GRIN2B: variants seen among roughly 807,000 people sequenced by gnomAD.
The protein encoded by GRIN2B is glutamate receptor ionotropic, NMDA 2B.
A neutral mutation model predicts 114.5 loss-of-function variants in GRIN2B; 5 were observed. That is an observed-to-expected ratio of 0.04 (90% CI 0.02 to 0.09). The LOEUF (loss-of-function observed/expected upper bound fraction) is 0.09. Among genes scored for constraint, GRIN2B ranks in the 10% least tolerant of loss-of-function variants. The pLI is 1.00. For synonymous variants in GRIN2B, 787 were observed against 745.1 expected, an observed-to-expected ratio of 1.06 and a Z score of -0.92; for missense variants, 1,108 against 1,943.5, an observed-to-expected ratio of 0.57 and a Z score of 8.08.
chr12:13,963,771 A>G (rs1867740455), intron 2 of GRIN2B, among the ~76,000 whole-genome samples: 1 of 152,116 alleles, frequency 6.6e-6, no homozygotes, highest in Non-Finnish European at 1.5e-5. Context: ...CTTTACTTCT[A>G]GATGTTGAAT....
At chr12:13,973,716 T>C (rs1431680275) in intron 2 of GRIN2B, among the ~76,000 whole-genome samples, 3 of 152,230 alleles carry the variant, frequency 2.0e-5, no homozygotes, top group East Asian at 1.9e-4. Context: ...TCTCTTTATA[T>C]GTAATGCATC....
intron 2 of GRIN2B, among the ~76,000 whole-genome samples, chr12:13,974,396 G>T (rs749231106): frequency 6.6e-6 from 1 of 152,128 alleles, no homozygotes; most frequent in Non-Finnish European, 1.5e-5. Flanking sequence ...CTTTTAAGAC[G>T]ACCCTGGCTT....
chr12:13,705,655 ACATTGAAAGT>A (rs1459694531), intron 4 of GRIN2B, among the ~76,000 whole-genome samples: 1 of 152,156 alleles, frequency 6.6e-6, no homozygotes, highest in African/African-American at 2.4e-5. Flanking sequence ...AAGCTTCCCC[ACATTGAAAGT>A]CATTGATGAG....
chr12:13,854,055 A>G (rs1312554746), intron 3 of GRIN2B, among the ~76,000 whole-genome samples: 3 of 152,208 alleles, frequency 2.0e-5, no homozygotes, highest in Non-Finnish European at 2.9e-5. Flanking sequence ...AAATAAAGGG[A>G]AAAGAAACAG....
intron 2 of GRIN2B, among the ~76,000 whole-genome samples, chr12:13,932,616 C>T (rs1285634398): frequency 6.6e-6 from 1 of 152,134 alleles, no homozygotes; most frequent in Non-Finnish European, 1.5e-5. Context: ...AAGGAGAAGT[C>T]CTGAGAGAGA....
chr12:13,695,481 G>A (rs551565268), intron 4 of GRIN2B, among the ~76,000 whole-genome samples: 12 of 152,292 alleles, frequency 7.9e-5, no homozygotes, highest in Admixed American at 6.5e-4. Context: ...GGGTCTGAAA[G>A]AGCGAGTAGT....
intron 2 of GRIN2B, among the ~76,000 whole-genome samples, chr12:13,921,881 T>C (rs190967317): frequency 1.3e-5 from 2 of 152,204 alleles, no homozygotes; most frequent in East Asian, 1.9e-4. Flanking sequence ...GATAGATGGA[T>C]AGGCAGATAA....
At chr12:13,658,920 G>A (rs868828958) in intron 5 of GRIN2B, among the ~76,000 whole-genome samples, 2 of 151,530 alleles carry the variant, frequency 1.3e-5, no homozygotes. Context: ...CTTGGGTGGT[G>A]ACTACTTCTC....
At chr12:13,576,345 T>C (rs1948776132) in intron 10 of GRIN2B, among the ~76,000 whole-genome samples, 1 of 150,194 alleles carries the variant, frequency 6.7e-6, no homozygotes, top group African/African-American at 2.5e-5. Context: ...TTAGCCTGAG[T>C]GGCAATTTGG....
In GRIN2B at chr12:13,680,436, T is replaced by TTGTGTGTGTGTGTG. The variant is rs56755720; in HGVS notation, c.1011-4591_1011-4578dup. 2.2e-3 allele frequency among the ~76,000 whole-genome samples: 266 copies of TTGTGTGTGTGTGTG among 123,542 alleles called. 1 individual carries two copies. The highest frequency in any genetic ancestry group is 0.01 in the Admixed American group (124 of 12,212). The allele number at this position is 123,542 out of a possible 152,430, so 81.0% of individuals were successfully genotyped here. A position where few individuals can be genotyped will look rare whatever the true frequency, so the allele number is the denominator to read the frequency against. On this transcript the variant is annotated intron_variant, in intron 4 of 13. Coordinates refer to ENST00000609686, the MANE Select transcript of GRIN2B (RefSeq NM_000834.5). The stretch of plus-strand genomic sequence containing the variant: ...AAATCCCCTGGAAGTCCCATCAAGG[T>TTGTGTGTGTGTGTG]TGTGTGTGTGTGTGTGTGTGTGTGT...
At chr12:13,678,435 C>A (rs777422803) in intron 4 of GRIN2B, among the ~76,000 whole-genome samples, 5 of 152,116 alleles carry the variant, frequency 3.3e-5, no homozygotes, top group Non-Finnish European at 7.4e-5. Context: ...GCAGAAGTAA[C>A]ATTTTAAGCA....
intron 2 of GRIN2B, among the ~76,000 whole-genome samples, chr12:13,925,972 A>C (rs1866904500): frequency 1.3e-5 from 2 of 152,158 alleles, no homozygotes; most frequent in Admixed American, 1.3e-4. Context: ...AAGAAAACTA[A>C]AGTACACAGA....
At chr12:13,937,279 T>G (rs1208322297) in intron 2 of GRIN2B, among the ~76,000 whole-genome samples, 1 of 151,952 alleles carries the variant, frequency 6.6e-6, no homozygotes, top group East Asian at 1.9e-4. Flanking sequence ...AATGCCAATT[T>G]GATTTTCACT....
intron 5 of GRIN2B, among the ~76,000 whole-genome samples, chr12:13,623,726 C>G (rs1474871308): frequency 3.9e-5 from 6 of 152,140 alleles, no homozygotes; most frequent in African/African-American, 1.4e-4. Context: ...ATTGTTCCCA[C>G]TCTGAGATTT....
intron 5 of GRIN2B, among the ~76,000 whole-genome samples, chr12:13,626,499 T>C (rs889771980): frequency 1.3e-5 from 2 of 152,160 alleles, no homozygotes; most frequent in African/African-American, 4.8e-5. Context: ...GTGTGTAATG[T>C]TGGACAATTC....
chr12:13,750,467 C>T (rs1366375051), intron 4 of GRIN2B, among the ~76,000 whole-genome samples: 1 of 152,176 alleles, frequency 6.6e-6, no homozygotes, highest in South Asian at 2.1e-4. Context: ...TAAAAGTAGG[C>T]ATTCCTGGGC....
At position 13,549,947 on chromosome 12, in the gene GRIN2B, A is replaced by G. The variant is rs1467820235; in HGVS notation, c.*12836T>C. 3 of 152,178 alleles carry G rather than the reference A, an allele frequency of 2.0e-5. No homozygotes were observed. Among genetic ancestry groups the G allele is most frequent in the Non-Finnish European group, 4.4e-5 (3 of 68,028 alleles). 9.4% of individuals were successfully genotyped at this position (152,178 alleles called of 1,614,324 possible). A position where few individuals can be genotyped will look rare whatever the true frequency, so the allele number is the denominator to read the frequency against. The stretch of plus-strand genomic sequence containing the variant: ...GATTTCGTGACTTTTCTCCACTGCT[A>G]GATGCTGAAAACCTACAGTGGGGGC... On this transcript the variant is annotated 3_prime_UTR_variant, in exon 14 of 14. Transcript: ENST00000609686.
At chr12:13,735,897 AT>A (rs3216540) in intron 4 of GRIN2B, among the ~76,000 whole-genome samples, 5 of 148,276 alleles carry the variant, frequency 3.4e-5, no homozygotes, top group South Asian at 2.1e-4. Flanking sequence ...GGAAGACAGG[AT>A]TTTTTTTTTT....
At chr12:13,766,018 C>T (rs949671713) in intron 3 of GRIN2B, among the ~76,000 whole-genome samples, 10 of 152,188 alleles carry the variant, frequency 6.6e-5, no homozygotes, top group Admixed American at 6.5e-5. Flanking sequence ...ATTCCTTAAG[C>T]TTCAATCCCA....
Sources: allele counts gnomAD v4.1 joint callset (sites outside exome capture counted in the v4.1 genomes callset), GRCh38; gene constraint gnomAD v4.1.1; transcripts MANE v1.5; gene names NCBI Gene and HGNC (gene_info 2026-07-23, HGNC 2026-07-21).